Variants in ADGRV1 observed in about 807,000 individuals in gnomAD.
The protein encoded by ADGRV1 is adhesion G protein-coupled receptor V1.
Under a neutral mutation model 596.2 loss-of-function variants are expected in ADGRV1, and 359 were observed. The ratio of observed to expected loss-of-function variants is 0.60; its 90% CI spans 0.55 to 0.66. The LOEUF (loss-of-function observed/expected upper bound fraction) is 0.66. Ranked by LOEUF, ADGRV1 falls within the 30% of genes least tolerant of loss-of-function variation. The pLI is 0.00. For synonymous variants in ADGRV1, 2,681 were observed against 2,679.2 expected (o/e 1.00, Z -0.02); for missense variants, 7,274 against 7,575.6 (o/e 0.96, Z 1.48).
At chr5:90,828,606 T>G (rs1213625892) in intron 76 of ADGRV1, among the ~76,000 whole-genome samples, 1 of 152,196 alleles carries the variant, frequency 6.6e-6, no homozygotes, top group Non-Finnish European at 1.5e-5. Flanking sequence ...AACATTGAAT[T>G]AGTTTATTCC....
intron 85 of ADGRV1, among the ~76,000 whole-genome samples, chr5:91,015,149 T>C (rs1783070531): frequency 6.6e-6 from 1 of 152,126 alleles, no homozygotes; most frequent in Non-Finnish European, 1.5e-5. Flanking sequence ...CCAAAAATCA[T>C]TTAGGAGCAT....
rs1313203471 is a variant in ADGRV1, at chr5:90,627,583, G to GAC, written c.1048_1049dup (p.Ile351ProfsTer14). 5 of 1,613,666 alleles carry GAC rather than the reference G, an allele frequency of 3.1e-6. No homozygotes were observed. In the African/African-American group the frequency reaches 4.0e-5, roughly 13 times the overall value. ...TCACTTGAAATTTCAAATAGTTGAT[G>GAC]ACACCATACCGGAGATTGCTGAATC... On this transcript the variant is annotated frameshift_variant, in exon 7 of 90. Transcript: ENST00000405460. LOFTEE classifies it high-confidence loss of function.
At chr5:90,926,751 GC>G (rs1774515565) in intron 83 of ADGRV1, among the ~76,000 whole-genome samples, 1 of 148,586 alleles carries the variant, frequency 6.7e-6, no homozygotes, top group South Asian at 2.1e-4. Flanking sequence ...GATCTTTCCT[GC>G]TTTCTCTTGT....
intron 83 of ADGRV1, among the ~76,000 whole-genome samples, chr5:90,951,971 T>C (rs555431475): frequency 6.6e-6 from 1 of 152,336 alleles, no homozygotes; most frequent in African/African-American, 2.4e-5. Context: ...TCAGTGGGAA[T>C]ACTGATAAAG....
At chr5:91,035,872 T>TATA (rs2151252109) in intron 85 of ADGRV1, among the ~76,000 whole-genome samples, 1 of 132,848 alleles carries the variant, frequency 7.5e-6, no homozygotes, top group South Asian at 2.4e-4. Flanking sequence ...TATATATATA[T>TATA]ATATATATAT....
In ADGRV1 at chr5:90,739,311, T is replaced by A. The variant is rs537234936; in HGVS notation, c.10550-5735T>A. 1.8e-3 allele frequency among the ~76,000 whole-genome samples: 267 copies of A among 152,288 alleles called. 1 individual carries two copies. Among genetic ancestry groups the A allele is most frequent in the Non-Finnish European group, 1.8e-3 (120 of 68,022 alleles). On this transcript the variant is annotated intron_variant, in intron 50 of 89. Coordinates refer to ENST00000405460, the MANE Select transcript of ADGRV1 (RefSeq NM_032119.4). ...TTTATAGATCTCCATTTCTTCAAGA[T>A]CCATTATTGGAACTTTATTAATTTC...
At position 90,977,944 on chromosome 5, in the gene ADGRV1, A is replaced by G. The variant is rs1029943447; in HGVS notation, c.17974-7400A>G. On this transcript the variant is annotated intron_variant, in intron 84 of 89. Transcript: ENST00000405460. ...AGAACATAGTAAAACCTAGGGGGAA[A>G]GTCTTGATTAAATGATATATAACTT... Among the ~76,000 whole-genome samples, 18 of 152,184 alleles carry G rather than the reference A, an allele frequency of 1.2e-4. 1 individual carries two copies. In the East Asian group the frequency reaches 2.1e-3, roughly 18 times the overall value.
chr5:90,632,421 G>A (rs4916807), intron 9 of ADGRV1, among the ~76,000 whole-genome samples: 27,546 of 152,002 alleles, frequency 0.18, 2,689 homozygotes, highest in East Asian at 0.4. Flanking sequence ...TTCTCATAAT[G>A]CCTCAAAACT....
At chr5:91,082,334 A>T (rs1230531543) in intron 86 of ADGRV1, among the ~76,000 whole-genome samples, 2 of 151,630 alleles carry the variant, frequency 1.3e-5, no homozygotes, top group Non-Finnish European at 2.9e-5. Context: ...GGCAGATCCT[A>T]TTTTTTTTCT....
intron 11 of ADGRV1, among the ~76,000 whole-genome samples, chr5:90,641,540 A>C (rs545464495): frequency 6.6e-6 from 1 of 152,334 alleles, no homozygotes; most frequent in East Asian, 1.9e-4. Context: ...TTTGGTATGA[A>C]AATTATGACT....
rs368694378 is a variant in ADGRV1, at chr5:91,126,215, T to C, written c.18433-23815T>C. Among the ~76,000 whole-genome samples the C allele has an allele frequency of 5.9e-5, 9 of 152,348 alleles. No individual in the cohort carries two copies. The East Asian group carries it at 1.5e-3, about 26-fold the overall frequency. ...TAAATTCTTGTTGAATTAAATCTCT[T>C]ATTTGAAATTTCCAATGCCTCCACT... On this transcript the variant is annotated intron_variant, in intron 87 of 89. Transcript: ENST00000405460.
chr5:90,684,128 A>G lies in ADGRV1; in HGVS notation c.6207A>G (p.Glu2069=). 1.2e-6 allele frequency: 2 copies of G among 1,613,928 alleles called. No homozygotes were observed. The highest frequency in any genetic ancestry group is 1.7e-6 in the Non-Finnish European group (2 of 1,179,876). The change falls in exon 28 of 90, where the codon GAA becomes GAG. Residue 2069 remains glutamate, a synonymous_variant. Coordinates refer to ENST00000405460, the MANE Select transcript of ADGRV1 (RefSeq NM_032119.4). ...CAATTTTGGATGATGATGAGCCAGA[A>G]AGGTCCGAATCTGTCTTTATCGAAC... ...AISILDDDEP[E]RSESVFIELL...
At chr5:91,110,403 C>T (rs1479455797) in intron 87 of ADGRV1, among the ~76,000 whole-genome samples, 1 of 152,170 alleles carries the variant, frequency 6.6e-6, no homozygotes, top group African/African-American at 2.4e-5. Context: ...CAGGGATCCT[C>T]CAGGATGCTA....
At chr5:90,591,200 T>C (rs1396227151) in intron 1 of ADGRV1, among the ~76,000 whole-genome samples, 1 of 152,124 alleles carries the variant, frequency 6.6e-6, no homozygotes, top group East Asian at 1.9e-4. Context: ...GAGACTAGCC[T>C]GAGCAACGTG....
At chr5:91,140,262 G>A (rs1251127115) in intron 87 of ADGRV1, among the ~76,000 whole-genome samples, 2 of 152,012 alleles carry the variant, frequency 1.3e-5, no homozygotes, top group African/African-American at 4.8e-5. Flanking sequence ...TATTGGAATG[G>A]GGTCATCAAA....
At chr5:90,849,387 T>G (rs1766250020) in intron 79 of ADGRV1, among the ~76,000 whole-genome samples, 1 of 152,192 alleles carries the variant, frequency 6.6e-6, no homozygotes, top group East Asian at 1.9e-4. Context: ...ACCTCTATAT[T>G]AACTATATAT....
At chr5:90,814,295 G>A (rs1486528075) in intron 74 of ADGRV1, among the ~76,000 whole-genome samples, 2 of 152,138 alleles carry the variant, frequency 1.3e-5, no homozygotes, top group Non-Finnish European at 2.9e-5. Context: ...ATGGTCCAGG[G>A]GCTGATGACT....
At chr5:90,807,476 G>T (rs1762014214) in intron 72 of ADGRV1, 126 bp from the exon 73 acceptor site, 2 of 941,796 alleles carry the variant, frequency 2.1e-6, no homozygotes, top group Admixed American at 2.9e-5. Flanking sequence ...TTTTAAAAAT[G>T]TTTTACCTTT....
chr5:90,721,207 T>C (rs1750875373), intron 45 of ADGRV1, 148 bp downstream of exon 45: 2 of 717,234 alleles, frequency 2.8e-6, no homozygotes, highest in Non-Finnish European at 2.1e-6. Flanking sequence ...TCTATAAATA[T>C]GTGTTGAGGC....
Sources: allele counts gnomAD v4.1 joint callset (sites outside exome capture counted in the v4.1 genomes callset), GRCh38; gene constraint gnomAD v4.1.1; transcripts MANE v1.5; gene names NCBI Gene and HGNC (gene_info 2026-07-23, HGNC 2026-07-21).